The following PSD3 variants were observed in gnomAD, a reference collection of about 807,000 sequenced individuals.
PSD3 encodes the protein PH and SEC7 domain-containing protein 3.
PSD3 carries 49 observed loss-of-function variants against 105.5 expected under a neutral mutation model. The observed-to-expected ratio is 0.46, with a 90% CI of 0.37 to 0.59. PSD3 has a LOEUF of 0.59. Ranked by LOEUF, PSD3 falls within the 20% of genes least tolerant of loss-of-function variation. The pLI, the probability that PSD3 is intolerant of heterozygous loss-of-function variation, is 0.00. For missense variants in PSD3, 1,561 were observed against 1,263.8 expected (o/e 1.24, Z -3.57); for synonymous variants, 557 against 457.8 (o/e 1.22, Z -2.77).
rs1811157945 is a variant in PSD3, at chr8:18,805,960, C to T, written c.1635-1062G>A. On this transcript the variant is annotated intron_variant, in intron 4 of 15. Coordinates refer to ENST00000327040, the MANE Select transcript of PSD3 (RefSeq NM_015310.4). Reference sequence around the variant, plus strand: ...CAGTCATTCTCTCAAGGAAAAATGACATTCAATGAAAAAAGTGACTAGTTT... The same window carrying T: ...CAGTCATTCTCTCAAGGAAAAATGATATTCAATGAAAAAAGTGACTAGTTT... Among the ~76,000 whole-genome samples, 6 of 152,138 alleles carry T rather than the reference C, an allele frequency of 3.9e-5. No homozygotes were observed. In the South Asian group the frequency reaches 1.2e-3, roughly 31 times the overall value.
chr8:18,687,283 G>C (rs1043428883), intron 9 of PSD3, among the ~76,000 whole-genome samples: 1 of 152,072 alleles, frequency 6.6e-6, no homozygotes, highest in African/African-American at 2.4e-5. Flanking sequence ...GGGCAAAACA[G>C]TGAAAAACCC....
chr8:18,963,593 T>A (rs1388615933), intron 1 of PSD3, among the ~76,000 whole-genome samples: 4 of 152,208 alleles, frequency 2.6e-5, no homozygotes, highest in Non-Finnish European at 4.4e-5. Flanking sequence ...AAAATTAGAA[T>A]CACTGATTAG....
intron 8 of PSD3, among the ~76,000 whole-genome samples, chr8:18,797,230 G>T (rs1002914730): frequency 1.3e-5 from 2 of 151,990 alleles, no homozygotes; most frequent in East Asian, 3.9e-4. Flanking sequence ...CAAGTATATC[G>T]CACACATTTT....
intron 10 of PSD3, among the ~76,000 whole-genome samples, chr8:18,645,150 A>C (rs1236927088): frequency 4.6e-5 from 7 of 152,226 alleles, no homozygotes; most frequent in Admixed American, 3.9e-4. Flanking sequence ...AACAGTCTCT[A>C]ATTAGGTGTT....
At chr8:18,892,626 CT>C (rs111896561) in intron 2 of PSD3, among the ~76,000 whole-genome samples, 670 of 133,004 alleles carry the variant, frequency 5.0e-3, no homozygotes, top group African/African-American at 9.5e-3. Context: ...TCCTAATTTT[CT>C]TTTTTTTTTT....
At chr8:18,801,548 A>G (rs1261235408) in intron 6 of PSD3, among the ~76,000 whole-genome samples, 166 bp from the exon 7 acceptor site, 1 of 152,168 alleles carries the variant, frequency 6.6e-6, no homozygotes, top group Non-Finnish European at 1.5e-5. Context: ...GCCATTCAAT[A>G]TAAATTGGTA....
intron 8 of PSD3, among the ~76,000 whole-genome samples, chr8:18,784,728 G>C (rs551922433): frequency 6.6e-6 from 1 of 152,162 alleles, no homozygotes; most frequent in Non-Finnish European, 1.5e-5. Flanking sequence ...CACAGAGTGA[G>C]GTCTGAAAAG....
chr8:18,549,388 T>A (rs763432682), intron 15 of PSD3, among the ~76,000 whole-genome samples: 7 of 152,122 alleles, frequency 4.6e-5, no homozygotes, highest in Non-Finnish European at 8.8e-5. Context: ...TTTGTATTTT[T>A]AATTGAGACG....
At position 18,831,148 on chromosome 8, in the gene PSD3, GGCA is replaced by G. The variant is rs557266108; in HGVS notation, c.1635-26253_1635-26251del. On this transcript the variant is annotated intron_variant, in intron 4 of 15. Coordinates refer to ENST00000327040, the MANE Select transcript of PSD3 (RefSeq NM_015310.4). ...GAGTGCACCTAAGTGCATAAAATAG[GGCA>G]GCTACTATTAATCTGGTTCTGAAGC... Among the ~76,000 whole-genome samples the G allele has an allele frequency of 1.5e-4, 23 of 152,238 alleles. No individual in the cohort carries two copies. The East Asian group carries it at 4.4e-3, about 29-fold the overall frequency.
At chr8:18,691,956 A>G (rs980765289) in intron 9 of PSD3, among the ~76,000 whole-genome samples, 1 of 152,236 alleles carries the variant, frequency 6.6e-6, no homozygotes, top group Non-Finnish European at 1.5e-5. Flanking sequence ...CATTTATCAA[A>G]AGTCCTCTAA....
At chr8:18,680,446 CCCCCT>C (rs1156809725) in intron 9 of PSD3, among the ~76,000 whole-genome samples, 1 of 152,182 alleles carries the variant, frequency 6.6e-6, no homozygotes, top group African/African-American at 2.4e-5. Context: ...GTCTGCACTG[CCCCCT>C]CATGGCCAGA....
intron 9 of PSD3, chr8:18,733,826 C>G (rs1412111069): frequency 6.6e-6 from 1 of 152,574 alleles, no homozygotes; most frequent in Non-Finnish European, 1.5e-5. Context: ...GGCTTTGAAG[C>G]CTGCAAATCA....
chr8:18,848,116 C>T (rs1815247590), intron 4 of PSD3, among the ~76,000 whole-genome samples: 2 of 142,402 alleles, frequency 1.4e-5, no homozygotes, highest in Admixed American at 1.5e-4. Flanking sequence ...ACAAGATACA[C>T]AAGCTTTCGA....
At chr8:18,550,792 GA>G (rs113035043) in intron 15 of PSD3, among the ~76,000 whole-genome samples, 4 of 151,890 alleles carry the variant, frequency 2.6e-5, no homozygotes, top group African/African-American at 9.7e-5. Flanking sequence ...AGTATCCCAC[GA>G]AAAAAAGAAA....
At chr8:18,945,457 G>A (rs537863629) in intron 1 of PSD3, among the ~76,000 whole-genome samples, 2 of 152,256 alleles carry the variant, frequency 1.3e-5, no homozygotes, top group South Asian at 4.1e-4. Flanking sequence ...GTCTAGAAAT[G>A]GCAAAGAAAC....
At chr8:18,895,763 A>C (rs12546689) in intron 2 of PSD3, among the ~76,000 whole-genome samples, 2 of 152,246 alleles carry the variant, frequency 1.3e-5, no homozygotes, top group Non-Finnish European at 2.9e-5. Flanking sequence ...AGTAATTAGC[A>C]TATCTAACAC....
chr8:19,035,514 T>TA (rs11428290), intron 1 of PSD3, among the ~76,000 whole-genome samples: 62,106 of 150,982 alleles, frequency 0.41, 13,709 homozygotes, highest in Non-Finnish European at 0.5. Flanking sequence ...AAGGATTTGT[T>TA]AAAAAAAAAC....
chr8:18,953,200 C>T (rs1336038926), intron 1 of PSD3, among the ~76,000 whole-genome samples: 3 of 152,138 alleles, frequency 2.0e-5, no homozygotes, highest in African/African-American at 4.8e-5. Flanking sequence ...ATCAAAAAGA[C>T]TGACAATCAA....
chr8:18,594,275 T>G (rs1308417022), intron 12 of PSD3, among the ~76,000 whole-genome samples: 1 of 15,768 alleles, frequency 6.3e-5, no homozygotes, highest in African/African-American at 1.6e-4. Flanking sequence ...TTATTATATA[T>G]ATTATATAAT....
Sources: allele counts gnomAD v4.1 joint callset (sites outside exome capture counted in the v4.1 genomes callset), GRCh38; gene constraint gnomAD v4.1.1; transcripts MANE v1.5; gene names NCBI Gene and HGNC (gene_info 2026-07-23, HGNC 2026-07-21).